The following KIF15 variants were observed in gnomAD, a reference collection of about 807,000 sequenced individuals.
The protein encoded by KIF15 is kinesin-like protein KIF15.
Under a neutral mutation model 190.6 loss-of-function variants are expected in KIF15, and 140 were observed. The ratio of observed to expected loss-of-function variants is 0.73; its 90% CI spans 0.64 to 0.84. The LOEUF (loss-of-function observed/expected upper bound fraction) is 0.84, where lower values mean the gene tolerates loss of function less well. Ranked by LOEUF, KIF15 falls within the 40% of genes least tolerant of loss-of-function variation. The pLI, the probability that KIF15 is intolerant of heterozygous loss-of-function variation, is 0.00. For synonymous variants in KIF15, 528 were observed against 551.3 expected (o/e 0.96, Z 0.59); for missense variants, 1,372 against 1,584.4 (o/e 0.87, Z 2.28).
At chr3:44,861,909 G>A (rs532676788) in intron 6 of KIF15, 47 of 1,482,452 alleles carry the variant, frequency 3.2e-5, no homozygotes, top group Non-Finnish European at 3.9e-5. Flanking sequence ...TGCCAGGCAC[G>A]GTGTCAGCAG....
At chr3:44,841,003 A>G (rs1698574129) in intron 28 of KIF15, 71 bp from the exon 29 acceptor site, 2 of 1,378,840 alleles carry the variant, frequency 1.5e-6, no homozygotes, top group Non-Finnish European at 2.0e-6. Context: ...TGTACTTGAC[A>G]TTTACGTTTA....
At chr3:44,863,029 A>G (rs771899885) in intron 6 of KIF15, 9 of 152,056 alleles carry the variant, frequency 5.9e-5, no homozygotes, top group Non-Finnish European at 1.0e-4. Context: ...GCTTTGTGTA[A>G]GACAAGGTTG....
At chr3:44,811,584 G>A (rs1287437372) in intron 17 of KIF15, among the ~76,000 whole-genome samples, 1 of 152,186 alleles carries the variant, frequency 6.6e-6, no homozygotes, top group Non-Finnish European at 1.5e-5. Flanking sequence ...GGCGGAGGTT[G>A]CAGTGAGCCG....
intron 6 of KIF15, among the ~76,000 whole-genome samples, chr3:44,859,653 T>G (rs1485006755): frequency 6.6e-6 from 1 of 152,110 alleles, no homozygotes; most frequent in Non-Finnish European, 1.5e-5. Flanking sequence ...AGCAGGACCC[T>G]GTCTCAAAAA....
chr3:44,781,593 G>A (rs372604717), intron 5 of KIF15, among the ~76,000 whole-genome samples: 2 of 152,200 alleles, frequency 1.3e-5, no homozygotes, highest in Admixed American at 6.5e-5. Context: ...TGGATCATAG[G>A]ATATATGTAT....
intron 9 of KIF15, 70 bp from the exon 10 acceptor site, chr3:44,797,764 T>C (rs1707059441): frequency 5.6e-6 from 9 of 1,604,012 alleles, no homozygotes; most frequent in Non-Finnish European, 6.8e-6. Flanking sequence ...GGCAAGAGTA[T>C]ACATTTTCTT....
At chr3:44,852,112 A>G (rs1699082329) in intron 33 of KIF15, 96 bp from the exon 34 acceptor site, 3 of 1,477,808 alleles carry the variant, frequency 2.0e-6, no homozygotes, top group African/African-American at 1.4e-5. Context: ...GGACTCTCTG[A>G]CTTCCTGTGC....
intron 1 of KIF15, among the ~76,000 whole-genome samples, chr3:44,768,209 G>T (rs539197155): frequency 6.6e-6 from 1 of 151,780 alleles, no homozygotes; most frequent in African/African-American, 2.4e-5. Context: ...GGGAGGTGGA[G>T]GTTGCAGTGA....
In KIF15 at chr3:44,832,376, G is replaced by A. The variant is rs542349809; in HGVS notation, c.3171+1358G>A. The stretch of plus-strand genomic sequence containing the variant: ...ACCCAGGCAGAAGGTCATGAAGTCA[G>A]AGCTAAGAAATGCTAGTGGGGATAG... On this transcript the variant is annotated intron_variant, in intron 26 of 34. Coordinates refer to ENST00000326047, the MANE Select transcript of KIF15 (RefSeq NM_020242.3). 2.0e-5 allele frequency among the ~76,000 whole-genome samples: 3 copies of A among 152,314 alleles called. No individual in the cohort carries two copies. In the East Asian group the frequency reaches 5.8e-4, roughly 29 times the overall value.
At chr3:44,862,154 C>A in intron 6 of KIF15, 2 of 68,020 alleles carry the variant, frequency 2.9e-5, no homozygotes, top group Non-Finnish European at 5.5e-5. Context: ...CTGCTGCGGG[C>A]GGGCGGGCGG....
chr3:44,867,939 G>A (rs1455965712), intron 6 of KIF15, among the ~76,000 whole-genome samples: 1 of 152,134 alleles, frequency 6.6e-6, no homozygotes, highest in Non-Finnish European at 1.5e-5. Context: ...AGGTTCAAAG[G>A]CCTGATAGGT....
intron 1 of KIF15, among the ~76,000 whole-genome samples, chr3:44,773,574 A>G (rs1705737086): frequency 6.6e-6 from 1 of 152,152 alleles, no homozygotes; most frequent in South Asian, 2.1e-4. Flanking sequence ...CAAAAAAAAG[A>G]AGGAAAATGC....
chr3:44,839,962 A>G (rs559960363), intron 27 of KIF15, among the ~76,000 whole-genome samples: 1 of 152,312 alleles, frequency 6.6e-6, no homozygotes, highest in African/African-American at 2.4e-5. Context: ...TAGCTTGGCT[A>G]TTACGAATAA....
rs552950898 is a variant in KIF15, at chr3:44,829,282, G to A, written c.2944-689G>A. On this transcript the variant is annotated intron_variant, in intron 24 of 34. Coordinates refer to ENST00000326047, the MANE Select transcript of KIF15 (RefSeq NM_020242.3). ...TGAGGCAGGAGAATGGCGTGAACCC[G>A]GGAGGCGGAGCTTGCAGTGAGCCGA... 8.0e-5 allele frequency among the ~76,000 whole-genome samples: 12 copies of A among 150,478 alleles called. No individual in the cohort carries two copies. In the East Asian group the frequency reaches 1.9e-3, roughly 24 times the overall value.
intron 27 of KIF15, among the ~76,000 whole-genome samples, chr3:44,839,382 A>G (rs1040533166): frequency 1.3e-5 from 2 of 152,184 alleles, no homozygotes; most frequent in Admixed American, 1.3e-4. Context: ...CAAAAAAAAA[A>G]GAAAAGAAAA....
intron 11 of KIF15, 140 bp downstream of exon 11, chr3:44,800,577 G>A (rs919896101): frequency 5.2e-6 from 4 of 768,270 alleles, no homozygotes; most frequent in East Asian, 2.7e-5. Context: ...TCCTATATAG[G>A]AACATAGTGG....
downstream of KIF15, among the ~76,000 whole-genome samples, chr3:44,855,012 T>C (rs1280714264): frequency 2.6e-5 from 4 of 152,202 alleles, no homozygotes; most frequent in African/African-American, 9.6e-5. Context: ...ACATCACTCA[T>C]TGCAAGGAAA....
intron 15 of KIF15, 84 bp downstream of exon 15, chr3:44,805,252 G>T (rs2125645076): frequency 2.3e-6 from 3 of 1,319,498 alleles, no homozygotes; most frequent in South Asian, 1.4e-5. Flanking sequence ...ATTCAATTGG[G>T]CATTTTACTT....
intron 16 of KIF15, among the ~76,000 whole-genome samples, chr3:44,807,671 A>G (rs1707577414): frequency 6.6e-6 from 1 of 151,998 alleles, no homozygotes; most frequent in Non-Finnish European, 1.5e-5. Context: ...GTGGCATAAC[A>G]TACACATCAT....
Sources: gnomAD v4.1 joint callset for allele counts (sites outside exome capture counted in the v4.1 genomes callset) on GRCh38, gnomAD v4.1.1 for gene constraint, MANE v1.5 for transcripts, NCBI Gene and HGNC (gene_info 2026-07-23, HGNC 2026-07-21) for gene names.